MTHFD2L: variants seen among roughly 807,000 people sequenced by gnomAD.
MTHFD2L encodes the protein methylenetetrahydrofolate dehydrogenase (NADP+ dependent) 2 like.
Under a neutral mutation model 34.9 loss-of-function variants are expected in MTHFD2L, and 29 were observed. The ratio of observed to expected loss-of-function variants is 0.83; its 90% CI spans 0.62 to 1.13. MTHFD2L has a LOEUF of 1.13. Ranked by LOEUF, MTHFD2L falls within the 50% of genes most tolerant of loss-of-function variation. The probability of loss-of-function intolerance (pLI) is 0.00; values close to 1 mark genes in which losing one functional copy is unlikely to be tolerated. For synonymous variants in MTHFD2L, 167 were observed against 155.7 expected (o/e 1.07, Z -0.54); for missense variants, 481 against 446.5 (o/e 1.08, Z -0.70).
chr4:74,248,121 T>G, intron 6 of MTHFD2L, among the ~76,000 whole-genome samples: 1 of 151,480 alleles, frequency 6.6e-6, no homozygotes, highest in Non-Finnish European at 1.5e-5. Context: ...GGACTCTTTT[T>G]GGTTGGTAAG....
In MTHFD2L at chr4:74,116,654, T is replaced by A. The variant is rs137858513; in HGVS notation, c.-144+1997T>A. Reference sequence around the variant, plus strand: ...CTGATTGGCATTGTTTTTTAAATTATCTAAAAGTGTTCATCCTTATTTTTA... The same window carrying A: ...CTGATTGGCATTGTTTTTTAAATTAACTAAAAGTGTTCATCCTTATTTTTA... On this transcript the variant is annotated intron_variant and NMD_transcript_variant, in intron 2 of 9. Coordinates refer to the MTHFD2L transcript ENST00000429519. 2.6e-4 allele frequency among the ~76,000 whole-genome samples: 40 copies of A among 152,350 alleles called. 1 individual carries two copies. Among genetic ancestry groups the A allele is most frequent in the Admixed American group, 1.5e-3 (23 of 15,298 alleles).
At chr4:74,193,655 T>A (rs902157772) in intron 3 of MTHFD2L, among the ~76,000 whole-genome samples, 4 of 152,174 alleles carry the variant, frequency 2.6e-5, no homozygotes, top group Admixed American at 2.6e-4. Flanking sequence ...TTAAACAATT[T>A]ACTCCTAAGC....
intron 6 of MTHFD2L, among the ~76,000 whole-genome samples, chr4:74,276,706 CTGAT>C (rs1335589399): frequency 1.3e-5 from 2 of 152,186 alleles, no homozygotes; most frequent in Admixed American, 1.3e-4. Context: ...TAAAAATACA[CTGAT>C]TGAGCAACTA....
intron 6 of MTHFD2L, among the ~76,000 whole-genome samples, chr4:74,266,389 C>T (rs1488437563): frequency 6.6e-6 from 1 of 152,174 alleles, no homozygotes; most frequent in African/African-American, 2.4e-5. Context: ...TCCTTAGGTA[C>T]ACAGGAAATG....
At chr4:74,262,374 G>A (rs1335913203) in intron 6 of MTHFD2L, among the ~76,000 whole-genome samples, 2 of 151,808 alleles carry the variant, frequency 1.3e-5, no homozygotes, top group Admixed American at 6.6e-5. Flanking sequence ...ACAAATATGT[G>A]AGTAAAAATA....
chr4:74,291,003 CTTTTTTTTTTTT>C (rs10585551), intron 7 of MTHFD2L, among the ~76,000 whole-genome samples: 25 of 29,280 alleles, frequency 8.5e-4, no homozygotes, highest in South Asian at 2.9e-3. Flanking sequence ...TTTTCCTTTT[CTTTTTTTTTTTT>C]TTTTTTTTTT....
chr4:74,291,809 A>G (rs1749002107), intron 7 of MTHFD2L, among the ~76,000 whole-genome samples: 2 of 152,210 alleles, frequency 1.3e-5, no homozygotes, highest in Admixed American at 6.5e-5. Flanking sequence ...ACTATTATTA[A>G]TCTGTGATTA....
At chr4:74,138,517 T>C (rs1723088270) in intron 1 of MTHFD2L, among the ~76,000 whole-genome samples, 2 of 152,182 alleles carry the variant, frequency 1.3e-5, no homozygotes, top group Admixed American at 1.3e-4. Context: ...CAGCGACTAG[T>C]GTTAAGCTCA....
At chr4:74,208,161 T>C (rs1489085736) in intron 5 of MTHFD2L, among the ~76,000 whole-genome samples, 1 of 152,222 alleles carries the variant, frequency 6.6e-6, no homozygotes, top group Non-Finnish European at 1.5e-5. Flanking sequence ...TGTTTTGTGA[T>C]GTCTCTACAT....
intron 7 of MTHFD2L, among the ~76,000 whole-genome samples, chr4:74,284,969 A>G: frequency 6.6e-6 from 1 of 152,206 alleles, no homozygotes; most frequent in Non-Finnish European, 1.5e-5. Flanking sequence ...GACTGGATTA[A>G]GAAAATGTGG....
At chr4:74,290,760 A>G (rs1748792047) in intron 7 of MTHFD2L, among the ~76,000 whole-genome samples, 1 of 151,546 alleles carries the variant, frequency 6.6e-6, no homozygotes, top group Non-Finnish European at 1.5e-5. Context: ...CATCCTCCTC[A>G]TTACTTTTCT....
chr4:74,135,320 A>T (rs1242665392), intron 1 of MTHFD2L, among the ~76,000 whole-genome samples: 1 of 152,156 alleles, frequency 6.6e-6, no homozygotes, highest in African/African-American at 2.4e-5. Flanking sequence ...AAATGGACAC[A>T]TGACAACTGA....
chr4:74,140,006 G>T (rs1723182155), intron 1 of MTHFD2L, among the ~76,000 whole-genome samples: 1 of 152,072 alleles, frequency 6.6e-6, no homozygotes, highest in African/African-American at 2.4e-5. Flanking sequence ...ATCTTCCAGG[G>T]CAATTAAGGA....
intron 5 of MTHFD2L, among the ~76,000 whole-genome samples, chr4:74,223,220 G>T (rs1375008029): frequency 6.6e-6 from 1 of 151,626 alleles, no homozygotes; most frequent in Non-Finnish European, 1.5e-5. Flanking sequence ...AATGTGGTGT[G>T]TGTGTGTATA....
At chr4:74,282,182 T>C (rs1339234554) in intron 7 of MTHFD2L, among the ~76,000 whole-genome samples, 1 of 152,146 alleles carries the variant, frequency 6.6e-6, no homozygotes, top group African/African-American at 2.4e-5. Flanking sequence ...CCAGTACTTC[T>C]AGATGCCTGA....
intron 3 of MTHFD2L, chr4:74,195,765 T>G (rs762337469): frequency 6.5e-6 from 1 of 153,680 alleles, no homozygotes; most frequent in Non-Finnish European, 1.5e-5. Context: ...AATCAACATA[T>G]GTAAGAAGTA....
intron 6 of MTHFD2L, among the ~76,000 whole-genome samples, chr4:74,242,981 GTCTAC>G (rs1479143074): frequency 3.3e-5 from 5 of 152,196 alleles, no homozygotes; most frequent in African/African-American, 9.6e-5. Context: ...GGAGCTTATA[GTCTAC>G]TCTAATAGAC....
chr4:74,145,611 T>C (rs1363257414), intron 1 of MTHFD2L, among the ~76,000 whole-genome samples: 1 of 152,150 alleles, frequency 6.6e-6, no homozygotes, highest in Non-Finnish European at 1.5e-5. Flanking sequence ...CATAAATAAT[T>C]CCTATAGCAA....
intron 7 of MTHFD2L, among the ~76,000 whole-genome samples, chr4:74,292,811 C>A (rs1749122703): frequency 6.6e-6 from 1 of 151,952 alleles, no homozygotes; most frequent in African/African-American, 2.4e-5. Flanking sequence ...CTGGAGTTCA[C>A]AGAAAGCAAT....
Sources: allele counts gnomAD v4.1 joint callset (sites outside exome capture counted in the v4.1 genomes callset), GRCh38; gene constraint gnomAD v4.1.1; transcripts MANE v1.5; gene names NCBI Gene and HGNC (gene_info 2026-07-23, HGNC 2026-07-21).